Variants in DNAAF9 observed in about 807,000 individuals in gnomAD.
DNAAF9 encodes the protein dynein axonemal assembly factor 9, also known as shulin.
A neutral mutation model predicts 167.0 loss-of-function variants in DNAAF9; 90 were observed. That is an observed-to-expected ratio of 0.54 (90% CI 0.45 to 0.64). DNAAF9 has a LOEUF of 0.64. DNAAF9 is among the 30% of genes least tolerant of loss of function. The pLI, the probability that DNAAF9 is intolerant of heterozygous loss-of-function variation, is 0.00. For synonymous variants in DNAAF9, 491 were observed against 508.8 expected (o/e 0.96, Z 0.47); for missense variants, 1,315 against 1,442.2 (o/e 0.91, Z 1.43).
At chr20:3,327,692 A>G (rs932202155) in intron 12 of DNAAF9, among the ~76,000 whole-genome samples, 1 of 152,208 alleles carries the variant, frequency 6.6e-6, no homozygotes, top group Non-Finnish European at 1.5e-5. Flanking sequence ...TGGAAGTGGA[A>G]TATGTTGTCT....
chr20:3,283,472 G>A (rs999606377), intron 27 of DNAAF9, among the ~76,000 whole-genome samples: 1 of 152,240 alleles, frequency 6.6e-6, no homozygotes, highest in Non-Finnish European at 1.5e-5. Flanking sequence ...ACAGCCCTCT[G>A]CTCACAGCCT....
chr20:3,322,812 G>A, intron 14 of DNAAF9, 116 bp from the exon 15 acceptor site: 1 of 796,500 alleles, frequency 1.3e-6, no homozygotes, highest in Admixed American at 1.7e-5. Context: ...TGTCATCCTT[G>A]CTTTACACAG....
chr20:3,376,129 G>C, intron 4 of DNAAF9, 49 bp downstream of exon 4: 1 of 1,546,764 alleles, frequency 6.5e-7, no homozygotes, highest in Non-Finnish European at 8.8e-7. Context: ...TTTCCTTAAA[G>C]AGTATTCTTA....
At position 3,313,899 on chromosome 20, in the gene DNAAF9, C is replaced by G. The variant is rs76705007; in HGVS notation, c.1678+1134G>C. On this transcript the variant is annotated intron_variant, in intron 20 of 36. Coordinates refer to ENST00000252032, the MANE Select transcript of DNAAF9 (RefSeq NM_001009984.3). ...GCAAACAGGGTAGAACCAAGAGCAC[C>G]GAGGCAGAGCTGAGAGCCAGAATTA... Among the ~76,000 whole-genome samples the G allele has an allele frequency of 2.8e-4, 43 of 152,230 alleles. 1 individual carries two copies. The East Asian group carries it at 8.1e-3, about 29-fold the overall frequency.
At chr20:3,255,347 A>T in intron 34 of DNAAF9, 63 bp from the exon 35 acceptor site, 1 of 1,036,420 alleles carries the variant, frequency 9.6e-7, no homozygotes, top group South Asian at 1.4e-5. Flanking sequence ...TGGGCAGGGG[A>T]GGGCTCTGGG....
chr20:3,330,496 C>T (rs1876157306), intron 12 of DNAAF9, 150 bp downstream of exon 12: 1 of 606,548 alleles, frequency 1.6e-6, no homozygotes, highest in Non-Finnish European at 3.0e-6. Flanking sequence ...CCCACCTCAG[C>T]TTCCGAAAAT....
At chr20:3,374,952 A>G in intron 5 of DNAAF9, 78 bp downstream of exon 5, 3 of 761,828 alleles carry the variant, frequency 3.9e-6, no homozygotes, top group Non-Finnish European at 6.8e-6. Context: ...GAATGCCCCC[A>G]ATGAAAGGAA....
chr20:3,251,230 C>A lies in DNAAF9; in HGVS notation c.*1342G>T, dbSNP rs1387609167. On this transcript the variant is annotated 3_prime_UTR_variant, in exon 37 of 37. Coordinates refer to ENST00000252032, the MANE Select transcript of DNAAF9 (RefSeq NM_001009984.3). ...GCAGGCCTCTGTGTGACCAGGCACA[C>A]AGACTACATGTGCTCCATCTTGTCT... The A allele has an allele frequency of 6.6e-6, 1 of 151,666 alleles. No homozygotes were observed. The highest frequency in any genetic ancestry group is 2.4e-5 in the African/African-American group (1 of 41,206). The allele number at this position is 151,666 out of a possible 1,614,324, so 9.4% of individuals were successfully genotyped here. A position where few individuals can be genotyped will look rare whatever the true frequency, so the allele number is the denominator to read the frequency against.
rs1345902170 is a variant in DNAAF9 at position 3,279,090 on chromosome 20, G to C, written c.2613-141C>G. On this transcript the variant is annotated intron_variant, in intron 28 of 36. Transcript: ENST00000252032. ...AGGTGGCAGCAGCACTGAGCACTAA[G>C]GATAGCCATGGGACTTTACAGCTTT... 14 of 667,888 alleles carry C rather than the reference G, an allele frequency of 2.1e-5. No individual in the cohort carries two copies. In the East Asian group the frequency reaches 3.4e-4, roughly 16 times the overall value. The allele number at this position is 667,888 out of a possible 1,614,324, so 41.4% of individuals were successfully genotyped here.
At chr20:3,383,149 T>A (rs145439668) in intron 1 of DNAAF9, among the ~76,000 whole-genome samples, 2 of 151,868 alleles carry the variant, frequency 1.3e-5, no homozygotes, top group Non-Finnish European at 2.9e-5. Context: ...TCCATGCCCA[T>A]CCCCTCCTTC....
In DNAAF9 at chr20:3,267,774, G is replaced by C. The variant is rs181353340; in HGVS notation, c.2786+2653C>G. ...CACTTGAATCCAGGAGGTGGAGGTT[G>C]CAGTGAGCTGAGATCGTGTCACGGC... On this transcript the variant is annotated intron_variant, in intron 30 of 36. Coordinates refer to ENST00000252032, the MANE Select transcript of DNAAF9 (RefSeq NM_001009984.3). Among the ~76,000 whole-genome samples the C allele has an allele frequency of 4.7e-3, 708 of 152,170 alleles. 2 individuals carry two copies. The highest frequency in any genetic ancestry group is 7.9e-3 in the Non-Finnish European group (540 of 67,998).
chr20:3,354,477 G>C (rs2083259034), intron 7 of DNAAF9, among the ~76,000 whole-genome samples: 1 of 152,186 alleles, frequency 6.6e-6, no homozygotes, highest in Admixed American at 6.5e-5. Context: ...GCAGCTCTTG[G>C]GTGGCTCCAA....
rs537293551 is a variant in DNAAF9 at position 3,337,655 on chromosome 20, A to G, written c.981+2849T>C. 2.0e-5 allele frequency among the ~76,000 whole-genome samples: 3 copies of G among 151,920 alleles called. No homozygotes were observed. The South Asian group carries it at 6.2e-4, about 31-fold the overall frequency. On this transcript the variant is annotated intron_variant, in intron 10 of 36. Coordinates refer to ENST00000252032, the MANE Select transcript of DNAAF9 (RefSeq NM_001009984.3). ...TAGTGATTTTTCAATTGAAACATGG[A>G]CATTTTTAGTGGTTTCCCTGGAGTT...
At position 3,322,702 on chromosome 20, in the gene DNAAF9, G is replaced by T; in HGVS notation, c.1266-6C>A. ...TATGAAAAGTCATCTTGGAGCTGTA[G>T]ACCAGAAACAAAACAAAAGAAAAAT... is the stretch of plus-strand genomic sequence containing the variant. On this transcript the variant is annotated splice_region_variant and splice_polypyrimidine_tract_variant and intron_variant, in intron 14 of 36. Coordinates refer to ENST00000252032, the MANE Select transcript of DNAAF9 (RefSeq NM_001009984.3). The T allele has an allele frequency of 6.2e-7, 1 of 1,610,560 alleles. No homozygotes were observed. The highest frequency in any genetic ancestry group is 8.5e-7 in the Non-Finnish European group (1 of 1,176,842).
chr20:3,403,057 C>T lies in DNAAF9; in HGVS notation c.83+4418G>A, dbSNP rs74347325. 9.0e-3 allele frequency among the ~76,000 whole-genome samples: 1,369 copies of T among 152,152 alleles called. 19 individuals carry two copies. The highest frequency in any genetic ancestry group is 0.032 in the African/African-American group (1,314 of 41,496). On this transcript the variant is annotated intron_variant, in intron 1 of 36. Transcript: ENST00000252032. ...TCCCTGTTACAGACATCTACAGGTC[C>T]CTAGGTCATTCTGTTAATTTATGAT...
chr20:3,281,454 T>G (rs527447379), intron 28 of DNAAF9, among the ~76,000 whole-genome samples, 187 bp downstream of exon 28: 3 of 152,382 alleles, frequency 2.0e-5, no homozygotes, highest in Non-Finnish European at 2.9e-5. Context: ...AAGCTAAGCT[T>G]GTCTTCCATA....
intron 25 of DNAAF9, among the ~76,000 whole-genome samples, chr20:3,290,978 G>A (rs1242465268): frequency 1.3e-5 from 2 of 151,956 alleles, no homozygotes; most frequent in Admixed American, 6.6e-5. Flanking sequence ...TAGTAGACAC[G>A]GGGTTTCACC....
Position 3,385,204 on chromosome 20 carries a change from G to A in DNAAF9, c.84-2698C>T, listed in dbSNP as rs569236845. On this transcript the variant is annotated intron_variant, in intron 1 of 36. Coordinates refer to ENST00000252032, the MANE Select transcript of DNAAF9 (RefSeq NM_001009984.3). ...CATTATTCCTATTTAACATAATACCGGAAGTTCTAGCCAACAGAATAAGGC... is the reference window on the plus strand; with the variant it reads ...CATTATTCCTATTTAACATAATACCAGAAGTTCTAGCCAACAGAATAAGGC... Among the ~76,000 whole-genome samples the A allele has an allele frequency of 6.6e-5, 10 of 151,724 alleles. 1 individual carries two copies. The East Asian group carries it at 1.5e-3, about 23-fold the overall frequency.
At chr20:3,343,436 C>T (rs570291486) in intron 9 of DNAAF9, among the ~76,000 whole-genome samples, 8 of 152,170 alleles carry the variant, frequency 5.3e-5, no homozygotes, top group Admixed American at 2.6e-4. Context: ...CATGAGCCAC[C>T]GCACCTGGCT....
Sources: gnomAD v4.1 joint callset for allele counts (sites outside exome capture counted in the v4.1 genomes callset) on GRCh38, gnomAD v4.1.1 for gene constraint, MANE v1.5 for transcripts, NCBI Gene and HGNC (gene_info 2026-07-23, HGNC 2026-07-21) for gene names.